Variants in CEBPZOS observed in about 807,000 individuals in gnomAD.
CEBPZOS encodes CEBPZ opposite strand, also known as protein CEBPZOS.
Under a neutral mutation model 4.8 loss-of-function variants are expected in CEBPZOS, and 10 were observed. The observed-to-expected ratio is 2.07, with a 90% CI of 1.28 to 3.52. The LOEUF (loss-of-function observed/expected upper bound fraction) is 3.52, where lower values mean the gene tolerates loss of function less well. Ranked by LOEUF, CEBPZOS falls within the 30% of genes most tolerant of loss-of-function variation. The pLI, the probability that CEBPZOS is intolerant of heterozygous loss-of-function variation, is 0.00. For synonymous variants in CEBPZOS, 25 were observed against 14.2 expected (o/e 1.77, Z -1.72); for missense variants, 98 against 43.6 (o/e 2.25, Z -3.51).
At chr2:37,211,859 TTCA>T (rs1258901007) in intron 4 of CEBPZOS, 4 of 1,602,042 alleles carry the variant, frequency 2.5e-6, no homozygotes. Context: ...CGCTCTCACT[TTCA>T]TCATCTAACA....
At position 37,211,892 on chromosome 2, in the gene CEBPZOS, A is replaced by G. The variant is rs753559727; in HGVS notation, c.*3-1545A>G. 13 of 1,611,808 alleles carry G rather than the reference A, an allele frequency of 8.1e-6. No individual in the cohort carries two copies. The Admixed American group carries it at 2.0e-4, about 25-fold the overall frequency. ...CTAACACATCCATGAATGTTCCTCC[A>G]TCTTCATCAACTTCAGCAAATTCTT... On this transcript the variant is annotated intron_variant, in intron 4 of 4. Transcript: ENST00000397064.
downstream of CEBPZOS, among the ~76,000 whole-genome samples, chr2:37,207,457 TCACAC>T (rs1677578032): frequency 6.6e-6 from 1 of 152,130 alleles, no homozygotes; most frequent in African/African-American, 2.4e-5. Flanking sequence ...AAGTACCCTC[TCACAC>T]CACAGTGGAA....
chr2:37,207,735 C>T (rs1572494356), downstream of CEBPZOS, among the ~76,000 whole-genome samples: 1 of 152,204 alleles, frequency 6.6e-6, no homozygotes, highest in East Asian at 1.9e-4. Context: ...AAGCTCACAC[C>T]TCAAGGAACT....
Position 37,203,163 on chromosome 2 carries a change from T to C in CEBPZOS, c.*1303T>C. 3.9e-6 allele frequency: 2 copies of C among 511,650 alleles called. No individual in the cohort carries two copies. Among genetic ancestry groups the C allele is most frequent in the Non-Finnish European group, 6.9e-6 (2 of 290,880 alleles). 31.7% of individuals were successfully genotyped at this position (511,650 alleles called of 1,614,324 possible). ...TGGGTAGCTGGCATTTAAATATAAT[T>C]TAAGAGTTAGTATATAATATTTTCA... On this transcript the variant is annotated 3_prime_UTR_variant, in exon 5 of 5. Coordinates refer to ENST00000402297, the MANE Select transcript of CEBPZOS (RefSeq NM_001322374.2).
downstream of CEBPZOS, among the ~76,000 whole-genome samples, chr2:37,208,175 C>G (rs759395117): frequency 2.0e-5 from 3 of 152,012 alleles, no homozygotes; most frequent in Non-Finnish European, 4.4e-5. Flanking sequence ...GCCAACAAAA[C>G]AAAGTCCAGG....
downstream of CEBPZOS, among the ~76,000 whole-genome samples, chr2:37,208,478 G>C (rs962093425): frequency 6.6e-6 from 1 of 151,986 alleles, no homozygotes; most frequent in African/African-American, 2.4e-5. Context: ...AGGGATATAG[G>C]GCTGGTTTAA....
At chr2:37,201,611 C>T (rs1030955627) in intron 3 of CEBPZOS, 31 bp from the exon 4 acceptor site, 2 of 687,074 alleles carry the variant, frequency 2.9e-6, no homozygotes, top group African/African-American at 1.8e-5. Context: ...TTCCACATGA[C>T]TTTATAAATG....
Position 37,202,812 on chromosome 2 carries a change from C to A in CEBPZOS, c.*952C>A. 1 of 1,592,722 alleles carries A rather than the reference C, an allele frequency of 6.3e-7. No individual in the cohort carries two copies. The highest frequency in any genetic ancestry group is 8.5e-7 in the Non-Finnish European group (1 of 1,169,882). On this transcript the variant is annotated 3_prime_UTR_variant, in exon 5 of 5. Transcript: ENST00000402297. The stretch of plus-strand genomic sequence containing the variant: ...CATTATCTTTGTTAGCCATGGCATT[C>A]ATGCCAATGTTATCAAACTTGGATC...
downstream of CEBPZOS, among the ~76,000 whole-genome samples, chr2:37,207,043 TAAA>T (rs1312677229): frequency 2.6e-5 from 4 of 151,984 alleles, no homozygotes; most frequent in Admixed American, 2.0e-4. Context: ...CAACAACAGT[TAAA>T]AAAGACAAAG....
Position 37,201,656 on chromosome 2 carries a change from ACT to A in CEBPZOS, c.176_177del (p.Thr59ArgfsTer51). On this transcript the variant is annotated frameshift_variant, in exon 4 of 5. Transcript: ENST00000402297. LOFTEE classifies it high-confidence loss of function. ...TTTATTTATAGTTTATTACAAATCC[ACT>A]GAGAAGTCTGGAATGTATGGAATCA... ...PFILEVYYKS[T>X]EKSGMYGIRE... 1 of 755,244 alleles carries A rather than the reference ACT, an allele frequency of 1.3e-6. No individual in the cohort carries two copies. Among genetic ancestry groups the A allele is most frequent in the East Asian group, 2.7e-5 (1 of 37,306 alleles). 46.8% of individuals were successfully genotyped at this position (755,244 alleles called of 1,614,324 possible). A position where few individuals can be genotyped will look rare whatever the true frequency, so the allele number is the denominator to read the frequency against.
At position 37,203,811 on chromosome 2, in the gene CEBPZOS, C is replaced by T. The variant is rs1677405614; in HGVS notation, c.*1951C>T. 1 of 152,168 alleles carries T rather than the reference C, an allele frequency of 6.6e-6. No individual in the cohort carries two copies. Among genetic ancestry groups the T allele is most frequent in the Admixed American group, 6.5e-5 (1 of 15,274 alleles). 9.4% of individuals were successfully genotyped at this position (152,168 alleles called of 1,614,324 possible). On this transcript the variant is annotated 3_prime_UTR_variant, in exon 5 of 5. Transcript: ENST00000402297. ...AATGGGATCATATGACATGTGGTTT[C>T]CTATATCTGACTTTTTTCATTTAGC...
chr2:37,199,212 A>C (rs1334322060), intron 1 of CEBPZOS, among the ~76,000 whole-genome samples: 1 of 152,040 alleles, frequency 6.6e-6, no homozygotes, highest in Non-Finnish European at 1.5e-5. Context: ...ACTATCTATA[A>C]TATATAGTAT....
At chr2:37,212,836 A>T (rs921530099) in intron 4 of CEBPZOS, among the ~76,000 whole-genome samples, 6 of 121,534 alleles carry the variant, frequency 4.9e-5, no homozygotes, top group African/African-American at 9.0e-5. Context: ...TATCTCTATT[A>T]AAAAAAAAAA....
chr2:37,213,749 G>T, downstream of CEBPZOS: 1 of 675,480 alleles, frequency 1.5e-6, no homozygotes, highest in Non-Finnish European at 2.5e-6. Context: ...TGATTTGCAT[G>T]ATATTCTTAG....
At position 37,211,055 on chromosome 2, in the gene CEBPZOS, G is replaced by A; in HGVS notation, c.*3-2382G>A. ...TGTACCTTTTCTCTTGCTTTTCTTA[G>A]TACTGACTTTGGAGTGGACTTCAAG... On this transcript the variant is annotated intron_variant, in intron 4 of 4. Coordinates refer to the CEBPZOS transcript ENST00000397064. The A allele has an allele frequency of 2.5e-6, 4 of 1,611,290 alleles. No individual in the cohort carries two copies. Among genetic ancestry groups the A allele is most frequent in the South Asian group, 1.1e-5 (1 of 90,530 alleles).
At chr2:37,213,642 G>C in exon 5 of CEBPZOS, 1 of 412,880 alleles carries the variant, frequency 2.4e-6, no homozygotes, top group Non-Finnish European at 4.3e-6. Flanking sequence ...TCGAACTCCT[G>C]ACCTCAAACA....
chr2:37,209,324 C>T (rs1677643588), downstream of CEBPZOS: 1 of 152,112 alleles, frequency 6.6e-6, no homozygotes, highest in African/African-American at 2.4e-5. Flanking sequence ...AAAATAAGAG[C>T]CTGCATAGCC....
chr2:37,202,512 G>A lies in CEBPZOS; in HGVS notation c.*652G>A, dbSNP rs970394289. On this transcript the variant is annotated 3_prime_UTR_variant, in exon 5 of 5. Coordinates refer to ENST00000402297, the MANE Select transcript of CEBPZOS (RefSeq NM_001322374.2). ...ATACAAAAATTAGCTGGGCGTGGTG[G>A]TGCATGCCTGTAATCCCAGCTACTT... 6 of 260,952 alleles carry A rather than the reference G, an allele frequency of 2.3e-5. No individual in the cohort carries two copies. The highest frequency in any genetic ancestry group is 4.4e-5 in the Non-Finnish European group (6 of 135,240). 16.2% of individuals were successfully genotyped at this position (260,952 alleles called of 1,614,324 possible). A position where few individuals can be genotyped will look rare whatever the true frequency, so the allele number is the denominator to read the frequency against.
chr2:37,198,581 AG>A lies in CEBPZOS; in HGVS notation c.-1-1122del, dbSNP rs1176360392. The A allele has an allele frequency of 2.0e-5, 3 of 152,218 alleles. No individual in the cohort carries two copies. The East Asian group carries it at 5.8e-4, about 29-fold the overall frequency. 9.4% of individuals were successfully genotyped at this position (152,218 alleles called of 1,614,324 possible). On this transcript the variant is annotated intron_variant, in intron 1 of 4. Transcript: ENST00000402297. ...AACAAAAGAGCACACACAGGACAAT[AG>A]AAAAATCTGAAAAACAAGTGGTTCT...
Sources: allele counts gnomAD v4.1 joint callset (sites outside exome capture counted in the v4.1 genomes callset), GRCh38; gene constraint gnomAD v4.1.1; transcripts MANE v1.5; gene names NCBI Gene and HGNC (gene_info 2026-07-23, HGNC 2026-07-21).